Variants in GPHN observed in about 807,000 individuals in gnomAD.
The protein encoded by GPHN is gephyrin.
In GPHN, 17 loss-of-function variants were observed where a neutral mutation model predicts 95.5. The ratio of observed to expected loss-of-function variants is 0.18; its 90% CI spans 0.12 to 0.27. GPHN has a LOEUF of 0.27. Among genes scored for constraint, GPHN ranks in the 10% least tolerant of loss-of-function variants. GPHN has a pLI of 1.00. For missense variants in GPHN, 660 were observed against 978.1 expected (o/e 0.67, Z 4.34); for synonymous variants, 320 against 322.5 (o/e 0.99, Z 0.08).
intron 9 of GPHN, among the ~76,000 whole-genome samples, chr14:67,017,437 A>C (rs930959800): frequency 6.6e-6 from 1 of 152,108 alleles, no homozygotes; most frequent in Non-Finnish European, 1.5e-5. Flanking sequence ...ATCTGAGTAA[A>C]CGGGTCCCTT....
chr14:67,265,366 G>A, the GPHN span, among the ~76,000 whole-genome samples: 1 of 152,060 alleles, frequency 6.6e-6, no homozygotes, highest in African/African-American at 2.4e-5. Context: ...AGACCAGACT[G>A]GGCAACATAC....
At chr14:66,769,246 G>T (rs1265938124) in intron 2 of GPHN, among the ~76,000 whole-genome samples, 1 of 151,946 alleles carries the variant, frequency 6.6e-6, no homozygotes, top group Non-Finnish European at 1.5e-5. Flanking sequence ...ATGTTAGTCA[G>T]GATCTTATCT....
intron 4 of GPHN, among the ~76,000 whole-genome samples, chr14:66,861,869 A>C (rs2153521683): frequency 6.6e-6 from 1 of 152,234 alleles, no homozygotes; most frequent in Non-Finnish European, 1.5e-5. Context: ...TATAGCTATA[A>C]GTGCCTACAT....
chr14:67,045,112 C>T (rs1010009470), intron 10 of GPHN, among the ~76,000 whole-genome samples: 5 of 152,088 alleles, frequency 3.3e-5, no homozygotes, highest in Non-Finnish European at 5.9e-5. Flanking sequence ...CCAGACTTAC[C>T]GTCTCAATAA....
intron 4 of GPHN, among the ~76,000 whole-genome samples, chr14:66,875,490 A>G (rs575420380): frequency 2.0e-5 from 3 of 151,472 alleles, no homozygotes; most frequent in South Asian, 2.1e-4. Flanking sequence ...AGACCCATTG[A>G]TGTGCTGTAT....
rs201235590 is a variant in GPHN, at chr14:66,767,639, CAT to C, written c.144-8823_144-8822del. ...GAAATTTGGAATTGCTATCAGAATA[CAT>C]AGAGTAATTGCTTTCAGAATAAACG... On this transcript the variant is annotated intron_variant, in intron 2 of 22. Coordinates refer to ENST00000478722, the MANE Select transcript of GPHN (RefSeq NM_020806.5). 9.9e-3 allele frequency among the ~76,000 whole-genome samples: 1,506 copies of C among 151,898 alleles called. 13 individuals carry two copies. The highest frequency in any genetic ancestry group is 0.017 in the Admixed American group (256 of 15,234).
At chr14:66,887,602 T>C (rs1168789572) in intron 5 of GPHN, among the ~76,000 whole-genome samples, 1 of 151,878 alleles carries the variant, frequency 6.6e-6, no homozygotes, top group Non-Finnish European at 1.5e-5. Context: ...GACCTAATGA[T>C]AGGACTATAG....
chr14:67,458,529 G>T, the GPHN span, among the ~76,000 whole-genome samples: 1 of 152,110 alleles, frequency 6.6e-6, no homozygotes, highest in African/African-American at 2.4e-5. Context: ...GATCTCGACT[G>T]ATACTAGTCA....
the GPHN span, among the ~76,000 whole-genome samples, chr14:67,351,139 C>T: frequency 5.9e-5 from 9 of 152,020 alleles, no homozygotes; most frequent in African/African-American, 2.2e-4. Context: ...GTTGCCTTCC[C>T]AAGTATTAAA....
chr14:66,618,369 C>T (rs542558189), intron 1 of GPHN, among the ~76,000 whole-genome samples: 7 of 152,202 alleles, frequency 4.6e-5, no homozygotes, highest in South Asian at 2.1e-4. Flanking sequence ...TGAGCTACTG[C>T]GCCCGGCCGA....
chr14:67,364,501 C>T, the GPHN span: 2 of 347,434 alleles, frequency 5.8e-6, no homozygotes, highest in Non-Finnish European at 1.1e-5. Flanking sequence ...TATAGATGGT[C>T]ATTATTTTTT....
At chr14:67,564,953 A>C in the GPHN span, among the ~76,000 whole-genome samples, 4 of 152,064 alleles carry the variant, frequency 2.6e-5, no homozygotes, top group African/African-American at 9.7e-5. Context: ...GACCTCCCAA[A>C]GTGCTGGGAT....
the GPHN span, among the ~76,000 whole-genome samples, chr14:67,398,959 A>C: frequency 3.3e-5 from 5 of 152,208 alleles, no homozygotes; most frequent in African/African-American, 1.2e-4. Context: ...TTTACTTGCC[A>C]ACTTCTATTG....
intron 17 of GPHN, among the ~76,000 whole-genome samples, chr14:67,137,847 G>C (rs1253229654): frequency 6.6e-6 from 1 of 152,142 alleles, no homozygotes; most frequent in Non-Finnish European, 1.5e-5. Context: ...TGTTAATGAA[G>C]AAAGATTTAA....
At chr14:66,784,675 G>C (rs2059711103) in intron 3 of GPHN, among the ~76,000 whole-genome samples, 2 of 152,118 alleles carry the variant, frequency 1.3e-5, no homozygotes, top group African/African-American at 2.4e-5. Context: ...AGTGTGGTAA[G>C]TTATATCTGT....
Position 66,918,529 on chromosome 14 carries a change from T to C in GPHN, c.456+2460T>C, listed in dbSNP as rs113000570. On this transcript the variant is annotated intron_variant, in intron 6 of 22. Transcript: ENST00000478722. ...TCAAAGTGGCCACAAGATTATTTAA[T>C]AGACAGATGAATGAAAGTCCATGTT... Among the ~76,000 whole-genome samples the C allele has an allele frequency of 3.1e-3, 471 of 152,264 alleles. 11 individuals are homozygous for C. The highest frequency in any genetic ancestry group is 0.011 in the African/African-American group (446 of 41,550).
chr14:67,525,123 T>C, the GPHN span, among the ~76,000 whole-genome samples: 2 of 152,190 alleles, frequency 1.3e-5, no homozygotes, highest in African/African-American at 4.8e-5. Flanking sequence ...TTACATAATA[T>C]AGAAAAGAAC....
intron 8 of GPHN, among the ~76,000 whole-genome samples, chr14:66,942,017 C>T (rs992332312): frequency 2.0e-5 from 3 of 152,098 alleles, no homozygotes; most frequent in Non-Finnish European, 4.4e-5. Context: ...TTGTTGTTTA[C>T]TTGTTTGTTT....
chr14:67,578,089 C>T, the GPHN span: 1 of 1,613,856 alleles, frequency 6.2e-7, no homozygotes, highest in South Asian at 1.1e-5. This position sits in a 1 kb window ranked among gnomAD's most constrained non-coding sequence, Gnocchi z 5.0. Flanking sequence ...GTCCCTGGCC[C>T]AGACCGCACT....
Sources: allele counts gnomAD v4.1 joint callset (sites outside exome capture counted in the v4.1 genomes callset), GRCh38; gene constraint gnomAD v4.1.1; non-coding constraint Gnocchi (gnomAD v3.1); transcripts MANE v1.5; gene names NCBI Gene and HGNC (gene_info 2026-07-23, HGNC 2026-07-21).